Variants in EPS15L1 observed in about 807,000 individuals in gnomAD.
The protein encoded by EPS15L1 is epidermal growth factor receptor pathway substrate 15 like 1, also known as epidermal growth factor receptor substrate 15-like 1.
EPS15L1 carries 43 observed loss-of-function variants against 117.1 expected under a neutral mutation model. The observed-to-expected ratio is 0.37, with a 90% CI of 0.29 to 0.47. The LOEUF is 0.47. Among genes scored for constraint, EPS15L1 ranks in the 20% least tolerant of loss-of-function variants. The pLI is 0.99. For missense variants in EPS15L1, 981 were observed against 1,164.0 expected, an observed-to-expected ratio of 0.84 and a Z score of 2.29; for synonymous variants, 459 against 470.5, an observed-to-expected ratio of 0.98 and a Z score of 0.32.
chr19:16,396,008 T>A (rs1053181291), intron 16 of EPS15L1, among the ~76,000 whole-genome samples: 4 of 151,344 alleles, frequency 2.6e-5, no homozygotes, highest in Admixed American at 2.6e-4. Context: ...CTTGGGAGGT[T>A]GACTCAGGAG....
intron 1 of EPS15L1, among the ~76,000 whole-genome samples, chr19:16,462,611 T>A (rs1483466505): frequency 6.6e-6 from 1 of 152,170 alleles, no homozygotes; most frequent in Non-Finnish European, 1.5e-5. Context: ...GAAGCTGCAG[T>A]GAGCCAAGAT....
At chr19:16,366,854 T>C (rs1433895514) in intron 22 of EPS15L1, among the ~76,000 whole-genome samples, 1 of 152,204 alleles carries the variant, frequency 6.6e-6, no homozygotes, top group East Asian at 1.9e-4. Context: ...GATTTATTTT[T>C]AGCGGCTGTA....
rs186616622 is a variant in EPS15L1 at position 16,471,680 on chromosome 19, G to T, written c.33+233C>A. On this transcript the variant is annotated intron_variant, in intron 1 of 23. Coordinates refer to ENST00000455140, the MANE Select transcript of EPS15L1 (RefSeq NM_001258374.3). This position sits in a 1 kb window ranked among gnomAD's most constrained non-coding sequence, Gnocchi z 4.8. The stretch of plus-strand genomic sequence containing the variant: ...TCCGGGCCCTGGGCGGAGAGGACAC[G>T]CGCTGCGCACCTCCTCGCCTCGCCG... Among the ~76,000 whole-genome samples the T allele has an allele frequency of 5.7e-3, 866 of 152,076 alleles. 5 individuals are homozygous for T. The highest frequency in any genetic ancestry group is 0.019 in the African/African-American group (809 of 41,536).
At chr19:16,378,279 C>T (rs980201898) in intron 21 of EPS15L1, among the ~76,000 whole-genome samples, 3 of 152,042 alleles carry the variant, frequency 2.0e-5, no homozygotes. Flanking sequence ...ATCGCTGCCC[C>T]AGCTGCCTGA....
intron 17 of EPS15L1, 47 bp downstream of exon 17, chr19:16,395,297 T>G (rs1243270372): frequency 3.8e-6 from 6 of 1,575,306 alleles, no homozygotes; most frequent in Non-Finnish European, 5.2e-6. Flanking sequence ...AAATTCGACA[T>G]AAAACACACA....
In EPS15L1 at chr19:16,453,951, C is replaced by T. The variant is rs575641653; in HGVS notation, c.34-11732G>A. Among the ~76,000 whole-genome samples, 6 of 151,026 alleles carry T rather than the reference C, an allele frequency of 4.0e-5. No homozygotes were observed. In the East Asian group the frequency reaches 1.2e-3, roughly 29 times the overall value. On this transcript the variant is annotated intron_variant, in intron 1 of 23. Coordinates refer to ENST00000455140, the MANE Select transcript of EPS15L1 (RefSeq NM_001258374.3). The stretch of plus-strand genomic sequence containing the variant: ...GCAAGGACCCTAATGGCACAAGCTG[C>T]GTCAGGTTTAAGTGTGACAAATGAG...
In EPS15L1 at chr19:16,355,573, A is replaced by T. The variant is rs1220439240; in HGVS notation, c.*132T>A. ...CCAGGTCTTGCAGCCGAGTCTGCTC[A>T]CCCTGAACAAGCCCCCGAGTCCCGG... On this transcript the variant is annotated 3_prime_UTR_variant, in exon 24 of 24. Transcript: ENST00000455140. 2 of 1,194,420 alleles carry T rather than the reference A, an allele frequency of 1.7e-6. No individual in the cohort carries two copies. Among genetic ancestry groups the T allele is most frequent in the Non-Finnish European group, 2.3e-6 (2 of 872,830 alleles). 74.0% of individuals were successfully genotyped at this position (1,194,420 alleles called of 1,614,324 possible). A position where few individuals can be genotyped will look rare whatever the true frequency, so the allele number is the denominator to read the frequency against.
rs902604625 is a variant in EPS15L1, at chr19:16,370,311, C to A, written c.2380+6811G>T. 2.6e-5 allele frequency among the ~76,000 whole-genome samples: 4 copies of A among 152,142 alleles called. No homozygotes were observed. Among genetic ancestry groups the A allele is most frequent in the African/African-American group, 7.2e-5 (3 of 41,434 alleles). On this transcript the variant is annotated intron_variant, in intron 22 of 23. Coordinates refer to ENST00000455140, the MANE Select transcript of EPS15L1 (RefSeq NM_001258374.3). The surrounding 1 kb of genome is among the most constrained non-coding windows in gnomAD (Gnocchi z 5.2). The stretch of plus-strand genomic sequence containing the variant: ...ATGAAAGATGAGGGGCCATGTTCAC[C>A]CCGCCAGAAAAGCAGGGAGGCGGTG...
chr19:16,446,866 C>T (rs1040940419), intron 1 of EPS15L1, among the ~76,000 whole-genome samples: 2 of 152,212 alleles, frequency 1.3e-5, no homozygotes, highest in Admixed American at 1.3e-4. Flanking sequence ...GATGACCTGC[C>T]ATTTCCCCAG....
At chr19:16,451,511 C>A (rs1219823236) in intron 1 of EPS15L1, among the ~76,000 whole-genome samples, 2 of 151,424 alleles carry the variant, frequency 1.3e-5, no homozygotes, top group Admixed American at 6.6e-5. Flanking sequence ...AATACAATTT[C>A]TTTTATTTAT....
At chr19:16,432,045 T>A (rs948367705) in intron 7 of EPS15L1, among the ~76,000 whole-genome samples, 6 of 152,164 alleles carry the variant, frequency 3.9e-5, no homozygotes, top group Non-Finnish European at 5.9e-5. Flanking sequence ...ATGCGTACAT[T>A]TCGGTGTATG....
chr19:16,391,142 T>G (rs1289839571), intron 19 of EPS15L1, among the ~76,000 whole-genome samples: 1 of 152,080 alleles, frequency 6.6e-6, no homozygotes. Context: ...AGTCTAAAAT[T>G]AATGAATGAA....
Position 16,405,828 on chromosome 19 carries a change from T to G in EPS15L1, c.1267-1079A>C, listed in dbSNP as rs1048298213. On this transcript the variant is annotated intron_variant, in intron 13 of 23. Coordinates refer to ENST00000455140, the MANE Select transcript of EPS15L1 (RefSeq NM_001258374.3). This position sits in a 1 kb window ranked among gnomAD's most constrained non-coding sequence, Gnocchi z 4.0. The stretch of plus-strand genomic sequence containing the variant: ...GGCAGAGGCTTCTCACCTCCTGATT[T>G]TCAACCACGCAAATGCATTATCTGT... Among the ~76,000 whole-genome samples the G allele has an allele frequency of 1.3e-5, 2 of 152,242 alleles. No individual in the cohort carries two copies. The highest frequency in any genetic ancestry group is 1.5e-5 in the Non-Finnish European group (1 of 68,042).
chr19:16,454,559 G>C (rs2093177016), intron 1 of EPS15L1, among the ~76,000 whole-genome samples: 1 of 152,152 alleles, frequency 6.6e-6, no homozygotes. Flanking sequence ...TTCTCCCCAG[G>C]GACCCAAATG....
intron 18 of EPS15L1, 75 bp from the exon 19 acceptor site, chr19:16,392,515 A>T: frequency 7.3e-7 from 1 of 1,368,352 alleles, no homozygotes; most frequent in Non-Finnish European, 1.0e-6. Context: ...CACATCACAG[A>T]ATGATGCCGT....
Position 16,377,185 on chromosome 19 carries a change from T to G in EPS15L1, c.2317A>C (p.Lys773Gln), listed in dbSNP as rs1247698551. ...GGAGGCAGAGCAGGAGTGTCCTGTT[T>G]ACTTTTAAAGGGGTCATCTGAGAAT... Reference protein sequence around the residue: ...AGFSDDPFKSKQDTPALPPKK... With the variant: ...AGFSDDPFKSQQDTPALPPKK... Residue 773 changes from lysine to glutamine, a missense_variant, in exon 22 of 24, where the codon AAA becomes CAA. Physicochemically the swap from Lys to Gln is moderately conservative, Grantham distance 53. Around this residue, in one of 5 missense-constraint regions of EPS15L1, gnomAD observed 819 missense variants for 949.0 expected, o/e 0.86. Transcript: ENST00000455140. 1.2e-6 allele frequency: 2 copies of G among 1,613,002 alleles called. No individual in the cohort carries two copies. The highest frequency in any genetic ancestry group is 1.7e-6 in the Non-Finnish European group (2 of 1,179,528).
At position 16,425,126 on chromosome 19, in the gene EPS15L1, C is replaced by T; in HGVS notation, c.749G>A (p.Ser250Asn). Residue 250 changes from serine (S) to asparagine (N), a missense_variant, in exon 9 of 24, where the codon AGC becomes AAC. By Grantham distance (46) the Ser-to-Asn change is conservative. Transcript: ENST00000455140. ...GTGCTTGGGGGACAGGCTCCCTGTG[C>T]TGTTGAGGCTGCTGACGCTGCCGTG... ...PSHGSVSSLN[S>N]TGSLSPKHSL... The T allele has an allele frequency of 6.2e-7, 1 of 1,614,150 alleles. No individual in the cohort carries two copies. The highest frequency in any genetic ancestry group is 8.5e-7 in the Non-Finnish European group (1 of 1,180,008).
intron 23 of EPS15L1, chr19:16,357,775 C>T (rs954258263): frequency 1.3e-5 from 2 of 152,230 alleles, no homozygotes; most frequent in Admixed American, 6.5e-5. Context: ...AGAGGCACTG[C>T]CCAGCTAAAC....
rs1461606846 is a variant in EPS15L1, at chr19:16,404,308, CCT to C, written c.1428+278_1428+279del. Among the ~76,000 whole-genome samples, 1 of 152,164 alleles carries C rather than the reference CCT, an allele frequency of 6.6e-6. No homozygotes were observed. The highest frequency in any genetic ancestry group is 1.5e-5 in the Non-Finnish European group (1 of 68,020). Reference sequence around the variant, plus strand: ...AGGGGACACAGGCACCCTGGAACTCCCTGTGTTGTGGGGCACAGCCAGGTGGG... The same window carrying C: ...AGGGGACACAGGCACCCTGGAACTCCGTGTTGTGGGGCACAGCCAGGTGGG... On this transcript the variant is annotated intron_variant, in intron 14 of 23. Transcript: ENST00000455140. This position sits in a 1 kb window ranked among gnomAD's most constrained non-coding sequence, Gnocchi z 4.2.
Sources: allele counts gnomAD v4.1 joint callset (sites outside exome capture counted in the v4.1 genomes callset), GRCh38; gene constraint gnomAD v4.1.1; regional missense constraint gnomAD v4.1.1; non-coding constraint Gnocchi (gnomAD v3.1); transcripts MANE v1.5; gene names NCBI Gene and HGNC (gene_info 2026-07-23, HGNC 2026-07-21).